Variants in GALNTL6 observed in about 807,000 individuals in gnomAD.
The protein encoded by GALNTL6 is polypeptide N-acetylgalactosaminyltransferase-like 6.
In GALNTL6, 46 loss-of-function variants were observed where a neutral mutation model predicts 73.7. That is an observed-to-expected ratio of 0.62 (90% CI 0.49 to 0.80). The LOEUF is 0.80. GALNTL6 is among the 30% of genes least tolerant of loss of function. GALNTL6 has a pLI of 0.00. For synonymous variants in GALNTL6, 259 were observed against 263.7 expected, an observed-to-expected ratio of 0.98 and a Z score of 0.17; for missense variants, 604 against 755.0, an observed-to-expected ratio of 0.80 and a Z score of 2.34.
intron 5 of GALNTL6, among the ~76,000 whole-genome samples, chr4:172,728,407 C>G (rs1399073385): frequency 6.6e-6 from 1 of 152,100 alleles, no homozygotes; most frequent in South Asian, 2.1e-4. Flanking sequence ...TTTCACTTAC[C>G]ATAATAGGCT....
intron 8 of GALNTL6, among the ~76,000 whole-genome samples, chr4:172,901,541 T>C (rs1471058007): frequency 1.3e-5 from 2 of 152,124 alleles, no homozygotes; most frequent in African/African-American, 4.8e-5. Context: ...ATATAGAAAT[T>C]AAGTCCAGAA....
At chr4:171,832,701 G>A (rs926884311) in intron 2 of GALNTL6, among the ~76,000 whole-genome samples, 1 of 151,334 alleles carries the variant, frequency 6.6e-6, no homozygotes, top group African/African-American at 2.4e-5. Flanking sequence ...ACAAAGTATT[G>A]AGCCATGACT....
At chr4:172,080,443 C>A (rs1401388022) in intron 2 of GALNTL6, among the ~76,000 whole-genome samples, 1 of 152,092 alleles carries the variant, frequency 6.6e-6, no homozygotes, top group African/African-American at 2.4e-5. Flanking sequence ...CAATTACAGG[C>A]ATAAGCCACT....
chr4:171,982,463 G>A (rs939138934), intron 2 of GALNTL6, among the ~76,000 whole-genome samples: 30 of 151,840 alleles, frequency 2.0e-4, no homozygotes, highest in South Asian at 6.2e-4. Flanking sequence ...ACGCCCGGCT[G>A]ATTTTTTTGT....
chr4:172,151,333 AAG>A (rs947458380), intron 2 of GALNTL6, among the ~76,000 whole-genome samples: 6 of 152,344 alleles, frequency 3.9e-5, no homozygotes, highest in African/African-American at 1.2e-4. Flanking sequence ...AAGTTTTAAA[AAG>A]ATTTTTTTCC....
At chr4:172,552,836 G>GAAAAAA (rs1736003479) in intron 5 of GALNTL6, among the ~76,000 whole-genome samples, 1 of 2,840 alleles carries the variant, frequency 3.5e-4, no homozygotes, top group Non-Finnish European at 5.4e-4. Flanking sequence ...AGTAATTGCA[G>GAAAAAA]TAAAAAAAAA....
At chr4:172,920,651 T>C (rs952975540) in intron 8 of GALNTL6, among the ~76,000 whole-genome samples, 4 of 152,174 alleles carry the variant, frequency 2.6e-5, no homozygotes, top group Admixed American at 2.6e-4. Flanking sequence ...AATAAACAAC[T>C]AGTGAATGAA....
chr4:172,009,402 T>G (rs934194164), intron 2 of GALNTL6, among the ~76,000 whole-genome samples: 7 of 152,196 alleles, frequency 4.6e-5, no homozygotes, highest in African/African-American at 1.7e-4. Flanking sequence ...ATTTAGGTAA[T>G]GAAGATTTTC....
intron 5 of GALNTL6, among the ~76,000 whole-genome samples, chr4:172,427,325 C>T (rs1731269256): frequency 6.6e-6 from 1 of 152,018 alleles, no homozygotes; most frequent in South Asian, 2.1e-4. Flanking sequence ...AGAATGTGTG[C>T]AGGGGAACTC....
intron 4 of GALNTL6, among the ~76,000 whole-genome samples, chr4:172,315,385 T>A (rs939292263): frequency 6.6e-6 from 1 of 152,164 alleles, no homozygotes; most frequent in African/African-American, 2.4e-5. Context: ...TGCCTCAGCC[T>A]CCCAAGTAGC....
chr4:172,227,803 T>G (rs566142442), intron 2 of GALNTL6, among the ~76,000 whole-genome samples: 2 of 152,292 alleles, frequency 1.3e-5, no homozygotes, highest in East Asian at 3.9e-4. Context: ...TACTACTTAT[T>G]AAGAATTCGC....
intron 5 of GALNTL6, among the ~76,000 whole-genome samples, chr4:172,807,973 C>T (rs569398701): frequency 8.3e-4 from 127 of 152,274 alleles, no homozygotes; most frequent in African/African-American, 2.9e-3. Flanking sequence ...CAGGCACCTG[C>T]CACCACGCCT....
intron 2 of GALNTL6, among the ~76,000 whole-genome samples, chr4:171,872,779 A>G (rs945510258): frequency 3.9e-5 from 6 of 152,158 alleles, no homozygotes; most frequent in African/African-American, 1.4e-4. Flanking sequence ...GAAAGATTTC[A>G]TTTTAACTTG....
At chr4:172,732,980 T>C (rs1430523002) in intron 5 of GALNTL6, among the ~76,000 whole-genome samples, 1 of 152,240 alleles carries the variant, frequency 6.6e-6, no homozygotes, top group Non-Finnish European at 1.5e-5. Context: ...ACTAGAGTTA[T>C]AGGTGGATGG....
intron 2 of GALNTL6, chr4:171,816,434 CTT>C (rs1734526537): frequency 6.6e-6 from 1 of 151,476 alleles, no homozygotes; most frequent in Non-Finnish European, 1.5e-5. Context: ...ATTTCTGGTT[CTT>C]CTGTAGTGCA....
chr4:171,854,840 A>T (rs932562974), intron 2 of GALNTL6, among the ~76,000 whole-genome samples: 1 of 152,188 alleles, frequency 6.6e-6, no homozygotes, highest in South Asian at 2.1e-4. Context: ...CCCACCTTTA[A>T]ATACCATCAC....
intron 2 of GALNTL6, among the ~76,000 whole-genome samples, chr4:171,918,673 G>A (rs1367200819): frequency 6.6e-6 from 1 of 152,112 alleles, no homozygotes; most frequent in Non-Finnish European, 1.5e-5. Flanking sequence ...AAATCAGGAT[G>A]TTCACGGGAT....
intron 8 of GALNTL6, among the ~76,000 whole-genome samples, chr4:172,887,711 C>G (rs370406291): frequency 4.6e-5 from 7 of 151,928 alleles, no homozygotes; most frequent in Admixed American, 4.6e-4. Context: ...CTACAGGCAC[C>G]TGCCACCATG....
At chr4:171,978,894 A>G (rs1739802096) in intron 2 of GALNTL6, among the ~76,000 whole-genome samples, 1 of 152,244 alleles carries the variant, frequency 6.6e-6, no homozygotes. Flanking sequence ...ACATATACAT[A>G]TAAATCAAAA....
Sources: gnomAD v4.1 joint callset for allele counts (sites outside exome capture counted in the v4.1 genomes callset) on GRCh38, gnomAD v4.1.1 for gene constraint, MANE v1.5 for transcripts, NCBI Gene and HGNC (gene_info 2026-07-23, HGNC 2026-07-21) for gene names.